The following ASIC2 variants were observed in gnomAD, a reference collection of about 807,000 sequenced individuals.
The protein encoded by ASIC2 is acid-sensing ion channel 2.
Under a neutral mutation model 57.3 loss-of-function variants are expected in ASIC2, and 25 were observed. The observed-to-expected ratio is 0.44, with a 90% CI of 0.32 to 0.61. The LOEUF is 0.61. Among genes scored for constraint, ASIC2 ranks in the 20% least tolerant of loss-of-function variants. ASIC2 has a pLI of 0.06. For synonymous variants in ASIC2, 319 were observed against 307.5 expected (o/e 1.04, Z -0.39); for missense variants, 641 against 738.1 (o/e 0.87, Z 1.52).
At chr17:33,331,577 A>C (rs2060964571) in intron 1 of ASIC2, among the ~76,000 whole-genome samples, 1 of 152,314 alleles carries the variant, frequency 6.6e-6, no homozygotes, top group Non-Finnish European at 1.5e-5. Context: ...ATTCTGCTAC[A>C]TTTTTTGGGC....
chr17:33,262,861 G>T lies in ASIC2; in HGVS notation c.708+28547C>A, dbSNP rs16968195. On this transcript the variant is annotated intron_variant, in intron 1 of 9. Transcript: ENST00000225823. ...GAACATTCCCAAGCCACAAGAGAAA[G>T]CCTCGCCCATGTGTAGATGAGGAAT... is the stretch of plus-strand genomic sequence containing the variant. 1.6e-3 allele frequency among the ~76,000 whole-genome samples: 249 copies of T among 152,316 alleles called. 5 individuals are homozygous for T. Among genetic ancestry groups the T allele is most frequent in the East Asian group, 0.013 (66 of 5,186 alleles).
chr17:33,070,497 C>A (rs566409861), intron 3 of ASIC2, among the ~76,000 whole-genome samples: 119 of 152,092 alleles, frequency 7.8e-4, no homozygotes, highest in African/African-American at 2.7e-3. Flanking sequence ...ATCACCATGT[C>A]CAGCTAATTT....
chr17:33,738,564 G>A lies in ASIC2; in HGVS notation c.555+417414C>T, dbSNP rs188695755. Reference sequence around the variant, plus strand: ...AGCCAATAAGCTTCAGTTTCCCCCAGTGGTAGCTGGCTTAATATCTAACTC... The same window carrying A: ...AGCCAATAAGCTTCAGTTTCCCCCAATGGTAGCTGGCTTAATATCTAACTC... On this transcript the variant is annotated intron_variant, in intron 1 of 9. Coordinates refer to the ASIC2 transcript ENST00000359872. Among the ~76,000 whole-genome samples, 3 of 152,280 alleles carry A rather than the reference G, an allele frequency of 2.0e-5. No individual in the cohort carries two copies. In the East Asian group the frequency reaches 5.8e-4, roughly 29 times the overall value.
intron 1 of ASIC2, among the ~76,000 whole-genome samples, chr17:33,438,344 G>A (rs968267167): frequency 1.3e-5 from 2 of 152,190 alleles, no homozygotes; most frequent in African/African-American, 2.4e-5. Context: ...AAGCCCATGG[G>A]ACAACAAAGC....
At chr17:33,302,780 GA>G (rs1259943376) in intron 1 of ASIC2, among the ~76,000 whole-genome samples, 1 of 152,196 alleles carries the variant, frequency 6.6e-6, no homozygotes, top group Non-Finnish European at 1.5e-5. Context: ...AAGGGGAAGA[GA>G]AGGCAGGGGA....
Position 33,291,853 on chromosome 17 carries a change from A to T in ASIC2, c.263T>A (p.Leu88Gln). 1.2e-6 allele frequency: 2 copies of T among 1,603,812 alleles called. No homozygotes were observed. Among genetic ancestry groups the T allele is most frequent in the Non-Finnish European group, 8.5e-7 (1 of 1,177,868 alleles). Reference sequence around the variant, plus strand: ...GGATGTACAGAAGGCCAGCACCCACAGCGCCCGCCGCTGGAAGGAGCCCCC... The same window carrying T: ...GGATGTACAGAAGGCCAGCACCCACTGCGCCCGCCGCTGGAAGGAGCCCCC... The part of the protein sequence containing the change: ...AAGGSFQRRA[L>Q]WVLAFCTSFG... Residue 88 changes from leucine to glutamine, a missense_variant, in exon 1 of 10, where the codon CTG becomes CAG. By Grantham distance (113) the Leu-to-Gln change is moderately radical (BLOSUM62 -2). Transcript: ENST00000225823.
At chr17:33,919,715 A>G (rs1037969986) in intron 1 of ASIC2, among the ~76,000 whole-genome samples, 2 of 152,228 alleles carry the variant, frequency 1.3e-5, no homozygotes, top group Admixed American at 6.5e-5. Context: ...AAAATAAACT[A>G]TAAACCGAGT....
intron 1 of ASIC2, among the ~76,000 whole-genome samples, chr17:33,585,026 G>A (rs1465279720): frequency 3.9e-5 from 6 of 152,168 alleles, no homozygotes; most frequent in Non-Finnish European, 8.8e-5. Flanking sequence ...GCCCTCACTT[G>A]CCATCCACAG....
At chr17:34,006,980 C>G (rs1201780778) in intron 1 of ASIC2, among the ~76,000 whole-genome samples, 3 of 152,152 alleles carry the variant, frequency 2.0e-5, no homozygotes, top group Non-Finnish European at 4.4e-5. Context: ...CAGAGATGAA[C>G]AAGCTGCCTA....
At chr17:33,019,097 GA>G (rs1397712550) in intron 7 of ASIC2, among the ~76,000 whole-genome samples, 1 of 152,162 alleles carries the variant, frequency 6.6e-6, no homozygotes, top group Non-Finnish European at 1.5e-5. Flanking sequence ...GCTTCTTGGG[GA>G]CTGTGTTCTA....
intron 1 of ASIC2, among the ~76,000 whole-genome samples, chr17:33,762,059 G>T (rs1910799789): frequency 6.6e-6 from 1 of 152,084 alleles, no homozygotes; most frequent in Admixed American, 6.5e-5. Flanking sequence ...AAACTGAAAG[G>T]AGAAATGAGT....
intron 1 of ASIC2, among the ~76,000 whole-genome samples, chr17:33,164,516 T>C (rs560121431): frequency 6.6e-6 from 1 of 151,628 alleles, no homozygotes; most frequent in Non-Finnish European, 1.5e-5. Flanking sequence ...GGAGGCGGCA[T>C]TGGAGGGGTA....
chr17:33,299,169 C>T (rs1905845225), intron 1 of ASIC2, among the ~76,000 whole-genome samples: 1 of 152,232 alleles, frequency 6.6e-6, no homozygotes, highest in African/African-American at 2.4e-5. Flanking sequence ...GGAGGCATCA[C>T]ACAACCTGAC....
Position 33,781,317 on chromosome 17 carries a change from C to T in ASIC2, c.555+374661G>A, listed in dbSNP as rs146391112. Among the ~76,000 whole-genome samples, 1,358 of 152,292 alleles carry T rather than the reference C, an allele frequency of 8.9e-3. 15 individuals are homozygous for T. Among genetic ancestry groups the T allele is most frequent in the Non-Finnish European group, 0.013 (862 of 68,032 alleles). ...CACAGCATTTCTGAGTGGCTGGCTA[C>T]GTGTCTTTTTGTTTTGCTCAGGTGT... On this transcript the variant is annotated intron_variant, in intron 1 of 9. Transcript: ENST00000359872.
chr17:34,041,183 TCACAA>T (rs1386347135), intron 1 of ASIC2: 2 of 152,220 alleles, frequency 1.3e-5, no homozygotes, highest in Admixed American at 6.5e-5. Flanking sequence ...GAGAAGGCTC[TCACAA>T]CACAAGAGTT....
intron 1 of ASIC2, among the ~76,000 whole-genome samples, chr17:33,848,348 C>T (rs1209577502): frequency 6.6e-6 from 1 of 152,152 alleles, no homozygotes; most frequent in Non-Finnish European, 1.5e-5. Context: ...CATGCTCAAC[C>T]TCTTAGGTCT....
intron 1 of ASIC2, among the ~76,000 whole-genome samples, chr17:33,304,778 G>C (rs1906101589): frequency 6.6e-6 from 1 of 152,130 alleles, no homozygotes; most frequent in Non-Finnish European, 1.5e-5. Flanking sequence ...ATGCGAAACT[G>C]TCCCCAATCA....
At chr17:33,773,112 G>A (rs1240902884) in intron 1 of ASIC2, among the ~76,000 whole-genome samples, 3 of 152,198 alleles carry the variant, frequency 2.0e-5, no homozygotes, top group East Asian at 3.8e-4. Flanking sequence ...CATTATACCA[G>A]ATGATGCTTT....
At chr17:33,646,465 G>C (rs949737469) in intron 1 of ASIC2, among the ~76,000 whole-genome samples, 61 of 152,246 alleles carry the variant, frequency 4.0e-4, no homozygotes, top group African/African-American at 1.4e-3. Flanking sequence ...TGCCCTGGGT[G>C]GTATAAGAAA....
Sources: gnomAD v4.1 joint callset for allele counts (sites outside exome capture counted in the v4.1 genomes callset) on GRCh38, gnomAD v4.1.1 for gene constraint, MANE v1.5 for transcripts, NCBI Gene and HGNC (gene_info 2026-07-23, HGNC 2026-07-21) for gene names.